The following IMMP2L variants were observed in gnomAD, a reference collection of about 807,000 sequenced individuals.
IMMP2L encodes inner mitochondrial membrane peptidase subunit 2.
IMMP2L carries 18 observed loss-of-function variants against 19.3 expected under a neutral mutation model. The ratio of observed to expected loss-of-function variants is 0.93; its 90% confidence interval spans 0.64 to 1.38. The LOEUF (loss-of-function observed/expected upper bound fraction) is 1.38. Among genes scored for constraint, IMMP2L ranks in the 40% most tolerant of loss-of-function variants. The probability of loss-of-function intolerance (pLI) is 0.00; values close to 1 mark genes in which losing one functional copy is unlikely to be tolerated. For synonymous variants in IMMP2L, 76 were observed against 73.0 expected, an observed-to-expected ratio of 1.04 and a Z score of -0.21; for missense variants, 233 against 218.2, an observed-to-expected ratio of 1.07 and a Z score of -0.43.
chr7:111,536,029 C>T (rs548719552), intron 1 of IMMP2L, among the ~76,000 whole-genome samples: 1 of 152,010 alleles, frequency 6.6e-6, no homozygotes, highest in South Asian at 2.1e-4. Flanking sequence ...GATGGAAGTA[C>T]ATCAAAAGGA....
intron 3 of IMMP2L, among the ~76,000 whole-genome samples, chr7:111,260,675 G>A (rs1401673555): frequency 6.6e-6 from 1 of 152,050 alleles, no homozygotes; most frequent in Non-Finnish European, 1.5e-5. Flanking sequence ...CTGGGTTGTG[G>A]TACTTTAGAA....
chr7:111,281,216 A>G (rs13224079), intron 3 of IMMP2L, among the ~76,000 whole-genome samples: 662 of 38,658 alleles, frequency 0.017, 15 homozygotes, highest in Middle Eastern at 0.044. Context: ...GAAAGAAAGA[A>G]AAAGAAAGAA....
At chr7:111,351,338 G>T (rs929487555) in intron 3 of IMMP2L, among the ~76,000 whole-genome samples, 1 of 152,030 alleles carries the variant, frequency 6.6e-6, no homozygotes, top group African/African-American at 2.4e-5. Context: ...TTACAGACGC[G>T]TGCCACCACG....
At chr7:110,975,470 A>G (rs1252031884) in intron 3 of IMMP2L, among the ~76,000 whole-genome samples, 2 of 152,126 alleles carry the variant, frequency 1.3e-5, no homozygotes, top group Non-Finnish European at 2.9e-5. Flanking sequence ...TGGCTATTTC[A>G]TTTCACCTCC....
At chr7:111,235,056 A>C (rs1814131625) in intron 3 of IMMP2L, among the ~76,000 whole-genome samples, 1 of 152,154 alleles carries the variant, frequency 6.6e-6, no homozygotes, top group Admixed American at 6.6e-5. Context: ...CTGTCTGAAG[A>C]ACTTTTTTTA....
intron 3 of IMMP2L, among the ~76,000 whole-genome samples, chr7:111,269,518 T>C (rs1173312324): frequency 6.6e-6 from 1 of 152,178 alleles, no homozygotes; most frequent in East Asian, 1.9e-4. Flanking sequence ...TTTCATCTTA[T>C]AATTAAAAAA....
chr7:111,464,754 G>A (rs529031705), intron 3 of IMMP2L, among the ~76,000 whole-genome samples: 3 of 152,078 alleles, frequency 2.0e-5, no homozygotes, highest in South Asian at 4.2e-4. Flanking sequence ...AATGTATGCT[G>A]GGAATATACA....
rs562344229 is a variant in IMMP2L, at chr7:111,552,700, C to T, written c.-3+9151G>A. Among the ~76,000 whole-genome samples the T allele has an allele frequency of 5.3e-5, 8 of 152,272 alleles. No individual in the cohort carries two copies. The South Asian group carries it at 1.5e-3, about 28-fold the overall frequency. On this transcript the variant is annotated intron_variant, in intron 1 of 5. Coordinates refer to ENST00000405709, the MANE Select transcript of IMMP2L (RefSeq NM_032549.4). ...AGAGACTGTTATCCTCTCAGAGAGC[C>T]TACCCTCACAAGACAGTCCACAATG...
intron 3 of IMMP2L, among the ~76,000 whole-genome samples, chr7:110,967,224 A>G (rs964000574): frequency 8.5e-5 from 13 of 152,078 alleles, no homozygotes; most frequent in Admixed American, 3.3e-4. Context: ...TAATGTAGAC[A>G]TAATAGAATT....
chr7:110,975,829 T>C (rs1820631301), intron 3 of IMMP2L, among the ~76,000 whole-genome samples: 1 of 152,158 alleles, frequency 6.6e-6, no homozygotes, highest in East Asian at 1.9e-4. Context: ...TTTTCAGTAT[T>C]AATTAAAAGT....
At chr7:111,442,541 A>ATATT (rs1837849617) in intron 3 of IMMP2L, among the ~76,000 whole-genome samples, 1 of 151,766 alleles carries the variant, frequency 6.6e-6, no homozygotes, top group Non-Finnish European at 1.5e-5. Flanking sequence ...GAAATCAGCC[A>ATATT]TCATATCAAA....
intron 3 of IMMP2L, among the ~76,000 whole-genome samples, chr7:111,155,598 A>G (rs1027645425): frequency 1.3e-5 from 2 of 151,754 alleles, no homozygotes; most frequent in African/African-American, 4.8e-5. Flanking sequence ...CTGTCTGTGT[A>G]TATATATAAT....
At chr7:111,086,031 G>T (rs1003626774) in intron 3 of IMMP2L, among the ~76,000 whole-genome samples, 1 of 152,090 alleles carries the variant, frequency 6.6e-6, no homozygotes, top group African/African-American at 2.4e-5. Flanking sequence ...GGGTTAATAT[G>T]TGAGTGATGA....
chr7:111,411,619 CA>C, intron 3 of IMMP2L: 1 of 283,594 alleles, frequency 3.5e-6, no homozygotes, highest in Non-Finnish European at 7.1e-6. Flanking sequence ...GGGAAGTGCA[CA>C]AAATCAACCC....
intron 4 of IMMP2L, among the ~76,000 whole-genome samples, chr7:110,929,131 A>G (rs1815198175): frequency 6.6e-6 from 1 of 152,154 alleles, no homozygotes; most frequent in African/African-American, 2.4e-5. Context: ...AAAAAGGAAT[A>G]AAGATGAGAC....
At chr7:111,543,836 A>G (rs1324976553) in intron 1 of IMMP2L, among the ~76,000 whole-genome samples, 3 of 152,174 alleles carry the variant, frequency 2.0e-5, no homozygotes, top group Non-Finnish European at 4.4e-5. Flanking sequence ...AAGTATTTCC[A>G]AAAGAAGCTG....
chr7:110,868,117 T>TTTTGTGTGTGTGTGTGTGTG (rs1808168021), intron 5 of IMMP2L, among the ~76,000 whole-genome samples: 1 of 144,376 alleles, frequency 6.9e-6, no homozygotes, highest in African/African-American at 2.6e-5. Flanking sequence ...CTTGTGAGGT[T>TTTTGTGTGTGTGTGTGTGTG]TGTGTGTGTG....
rs1357675457 is a variant in IMMP2L at position 110,758,956 on chromosome 7, CA to C, written c.409-95236del. Among the ~76,000 whole-genome samples the C allele has an allele frequency of 1.3e-5, 2 of 151,830 alleles. No individual in the cohort carries two copies. Among genetic ancestry groups the C allele is most frequent in the Non-Finnish European group, 2.9e-5 (2 of 67,912 alleles). On this transcript the variant is annotated intron_variant, in intron 5 of 5. Coordinates refer to ENST00000405709, the MANE Select transcript of IMMP2L (RefSeq NM_032549.4). This position sits in a 1 kb window ranked among gnomAD's most constrained non-coding sequence, Gnocchi z 4.6. ...GAAATGACCAGTGGAGATCTTTTCA[CA>C]GTCTGTTACCCGATTTTGTTAACCT...
In IMMP2L at chr7:111,256,999, G is replaced by A. The variant is rs542535367; in HGVS notation, c.239+230239C>T. 1.6e-3 allele frequency among the ~76,000 whole-genome samples: 249 copies of A among 151,882 alleles called. 3 individuals carry two copies. Among genetic ancestry groups the A allele is most frequent in the African/African-American group, 5.7e-3 (238 of 41,414 alleles). ...AAACTACCTACAATAAATAAAAGTA[G>A]AGTAGACCTACACAATTATATTCCA... On this transcript the variant is annotated intron_variant, in intron 3 of 5. Transcript: ENST00000405709.
Sources: gnomAD v4.1 joint callset for allele counts (sites outside exome capture counted in the v4.1 genomes callset) on GRCh38, gnomAD v4.1.1 for gene constraint, Gnocchi (gnomAD v3.1) non-coding constraint, MANE v1.5 for transcripts, NCBI Gene and HGNC (gene_info 2026-07-23, HGNC 2026-07-21) for gene names.